PTPRK: variants seen among roughly 807,000 people sequenced by gnomAD.
PTPRK encodes the protein receptor-type tyrosine-protein phosphatase kappa.
PTPRK carries 75 observed loss-of-function variants against 178.0 expected under a neutral mutation model. The observed-to-expected ratio is 0.42, with a 90% CI of 0.35 to 0.51. The LOEUF is 0.51. Among genes scored for constraint, PTPRK ranks in the 20% least tolerant of loss-of-function variants. The pLI is 0.02. For missense variants in PTPRK, 1,441 were observed against 1,797.8 expected (o/e 0.80, Z 3.59); for synonymous variants, 637 against 620.6 (o/e 1.03, Z -0.39).
chr6:127,991,999 C>A (rs1480587356), intron 19 of PTPRK, among the ~76,000 whole-genome samples: 2 of 151,674 alleles, frequency 1.3e-5, no homozygotes, highest in Non-Finnish European at 3.0e-5. Context: ...AGAAAAATGA[C>A]CCCTGTTAAA....
intron 3 of PTPRK, among the ~76,000 whole-genome samples, chr6:128,301,576 C>T (rs1451808813): frequency 6.6e-6 from 1 of 152,016 alleles, no homozygotes; most frequent in East Asian, 1.9e-4. Flanking sequence ...TTTAAAAGTA[C>T]ATTAAAACTT....
At chr6:128,353,579 GA>G (rs1481543301) in intron 2 of PTPRK, among the ~76,000 whole-genome samples, 1 of 152,142 alleles carries the variant, frequency 6.6e-6, no homozygotes, top group African/African-American at 2.4e-5. Flanking sequence ...TATCTAGATT[GA>G]AAAAACTGAA....
intron 3 of PTPRK, among the ~76,000 whole-genome samples, chr6:128,297,039 G>A (rs919158997): frequency 9.9e-5 from 15 of 151,222 alleles, no homozygotes. Context: ...GATCTACCAA[G>A]CAAATGGAAA....
chr6:128,162,082 G>A (rs1798786656), intron 7 of PTPRK, among the ~76,000 whole-genome samples: 1 of 151,558 alleles, frequency 6.6e-6, no homozygotes, highest in African/African-American at 2.4e-5. Context: ...AAAAGGAAAT[G>A]GGGATGACAT....
At chr6:128,520,224 C>T in intron 1 of PTPRK, 35 bp downstream of exon 1, 1 of 1,544,976 alleles carries the variant, frequency 6.5e-7, no homozygotes, top group South Asian at 1.2e-5. Flanking sequence ...CCCAGGACTC[C>T]AGGCGTTCGT....
chr6:128,235,635 T>A (rs1302253736), intron 5 of PTPRK: 1 of 475,586 alleles, frequency 2.1e-6, no homozygotes. Context: ...AATAAACCAT[T>A]CATAGGTTTT....
At chr6:128,453,664 G>GGATAAAT (rs1216019969) in intron 1 of PTPRK, among the ~76,000 whole-genome samples, 1 of 152,116 alleles carries the variant, frequency 6.6e-6, no homozygotes, top group African/African-American at 2.4e-5. Flanking sequence ...TTTGGCAAGA[G>GGATAAAT]GATAAATAAT....
chr6:128,155,187 T>C (rs187707536), intron 7 of PTPRK, among the ~76,000 whole-genome samples: 237 of 151,926 alleles, frequency 1.6e-3, no homozygotes, highest in Admixed American at 2.8e-3. Flanking sequence ...CTGGTAGTTA[T>C]ACTAGAAGTT....
At chr6:128,426,134 A>G (rs1844109848) in intron 1 of PTPRK, among the ~76,000 whole-genome samples, 1 of 152,088 alleles carries the variant, frequency 6.6e-6, no homozygotes, top group Admixed American at 6.6e-5. Flanking sequence ...TGCTTCCCAT[A>G]TTTATTCTTC....
At chr6:128,176,005 A>T (rs1432232275) in intron 7 of PTPRK, among the ~76,000 whole-genome samples, 2 of 151,874 alleles carry the variant, frequency 1.3e-5, no homozygotes, top group Non-Finnish European at 2.9e-5. Flanking sequence ...ACATGCATGA[A>T]ATGCAAAATT....
At chr6:128,355,108 G>C (rs973574913) in intron 2 of PTPRK, among the ~76,000 whole-genome samples, 5 of 152,190 alleles carry the variant, frequency 3.3e-5, no homozygotes, top group African/African-American at 1.2e-4. Flanking sequence ...ATTCTTAAGA[G>C]TATATTGACT....
chr6:128,059,173 A>AT (rs1021939982), intron 13 of PTPRK, among the ~76,000 whole-genome samples: 3 of 152,090 alleles, frequency 2.0e-5, no homozygotes, highest in Admixed American at 6.6e-5. Flanking sequence ...CAGATTGTTA[A>AT]TTTTTTTAAC....
intron 3 of PTPRK, among the ~76,000 whole-genome samples, chr6:128,262,856 C>CAA (rs1818382478): frequency 9.1e-6 from 1 of 109,788 alleles, no homozygotes; most frequent in African/African-American, 5.1e-5. Context: ...AAACCAATAA[C>CAA]CAAAAAAAAA....
chr6:128,218,818 C>T, intron 6 of PTPRK, 104 bp downstream of exon 6: 1 of 1,018,698 alleles, frequency 9.8e-7, no homozygotes, highest in Non-Finnish European at 1.4e-6. Flanking sequence ...AGTGACTTGA[C>T]ATCAGAAACA....
chr6:128,475,042 C>A (rs1228650178), intron 1 of PTPRK, among the ~76,000 whole-genome samples: 2 of 152,076 alleles, frequency 1.3e-5, no homozygotes, highest in Non-Finnish European at 2.9e-5. Context: ...AAATTCAAAC[C>A]CTGCCTTTGT....
intron 6 of PTPRK, among the ~76,000 whole-genome samples, chr6:128,187,831 A>G (rs1431469520): frequency 6.6e-6 from 1 of 152,228 alleles, no homozygotes; most frequent in African/African-American, 2.4e-5. Flanking sequence ...TGTAAAATCT[A>G]GCATTAATGA....
At chr6:128,005,360 A>G in intron 14 of PTPRK, 116 bp from the exon 15 acceptor site, 2 of 856,196 alleles carry the variant, frequency 2.3e-6, no homozygotes, top group East Asian at 5.5e-5. Context: ...TGGTTTAGAA[A>G]CCCCAAGCAC....
chr6:128,155,304 C>G (rs1389323921), intron 7 of PTPRK, among the ~76,000 whole-genome samples: 2 of 151,102 alleles, frequency 1.3e-5, no homozygotes, highest in South Asian at 4.2e-4. Flanking sequence ...GGAATATTAA[C>G]AGCCATTAAA....
At chr6:128,460,126 T>C (rs1848859135) in intron 1 of PTPRK, among the ~76,000 whole-genome samples, 1 of 152,198 alleles carries the variant, frequency 6.6e-6, no homozygotes, top group East Asian at 1.9e-4. Context: ...CACTGGGGAT[T>C]ACATTTGAAC....
Sources: allele counts gnomAD v4.1 joint callset (sites outside exome capture counted in the v4.1 genomes callset), GRCh38; gene constraint gnomAD v4.1.1; transcripts MANE v1.5; gene names NCBI Gene and HGNC (gene_info 2026-07-23, HGNC 2026-07-21).